TBC1D22B: variants seen among roughly 807,000 people sequenced by gnomAD.
The protein encoded by TBC1D22B is TBC1 domain family member 22B, also known as chromosome 6 open reading frame 197.
In TBC1D22B, 32 loss-of-function variants were observed where a neutral mutation model predicts 69.1. The observed-to-expected ratio is 0.46, with a 90% CI of 0.35 to 0.62. The LOEUF (loss-of-function observed/expected upper bound fraction) is 0.62. Among genes scored for constraint, TBC1D22B ranks in the 20% least tolerant of loss-of-function variants. TBC1D22B has a pLI of 0.00. For missense variants in TBC1D22B, 462 were observed against 630.9 expected (o/e 0.73, Z 2.87); for synonymous variants, 206 against 229.8 (o/e 0.90, Z 0.94).
At chr6:37,292,594 G>A (rs1767222340) in intron 8 of TBC1D22B, among the ~76,000 whole-genome samples, 1 of 151,936 alleles carries the variant, frequency 6.6e-6, no homozygotes, top group Admixed American at 6.6e-5. Flanking sequence ...GTTGCTTCTT[G>A]CAGTAGTAAT....
At chr6:37,296,828 A>T (rs1051173335) in intron 8 of TBC1D22B, among the ~76,000 whole-genome samples, 1 of 54,858 alleles carries the variant, frequency 1.8e-5, no homozygotes, top group East Asian at 6.3e-4. Context: ...ATATATTATA[A>T]TTTTTTGGTT....
chr6:37,291,801 G>C (rs780920444), intron 8 of TBC1D22B, among the ~76,000 whole-genome samples: 14 of 152,168 alleles, frequency 9.2e-5, no homozygotes, highest in Admixed American at 2.0e-4. Context: ...CATACGGGAA[G>C]TGATGGAATG....
chr6:37,320,166 C>T (rs1423485864), intron 12 of TBC1D22B, among the ~76,000 whole-genome samples: 1 of 152,124 alleles, frequency 6.6e-6, no homozygotes, highest in Non-Finnish European at 1.5e-5. Flanking sequence ...ATAAAGGGAG[C>T]CAGTAAGGGG....
At chr6:37,286,077 A>G (rs747831636) in intron 6 of TBC1D22B, among the ~76,000 whole-genome samples, 3 of 152,164 alleles carry the variant, frequency 2.0e-5, no homozygotes, top group Non-Finnish European at 2.9e-5. Context: ...CATACCTGCT[A>G]CATACATGCC....
chr6:37,316,565 C>A, intron 10 of TBC1D22B, 138 bp from the exon 11 acceptor site: 1 of 884,218 alleles, frequency 1.1e-6, no homozygotes, highest in Non-Finnish European at 1.8e-6. Context: ...AAAGGACAGT[C>A]AGATGGCTGT....
intron 8 of TBC1D22B, among the ~76,000 whole-genome samples, chr6:37,293,062 C>CATTATT (rs764323916): frequency 1.3e-5 from 2 of 149,710 alleles, no homozygotes; most frequent in African/African-American, 2.5e-5. Flanking sequence ...TTTAACTTTT[C>CATTATT]ATTATTATTA....
At chr6:37,298,588 C>T (rs1767463985) in intron 8 of TBC1D22B, among the ~76,000 whole-genome samples, 3 of 125,004 alleles carry the variant, frequency 2.4e-5, no homozygotes, top group South Asian at 2.6e-4. Context: ...CTCTGTTGCC[C>T]AAGCCGGAGT....
At chr6:37,301,343 T>G (rs1767566219) in intron 8 of TBC1D22B, among the ~76,000 whole-genome samples, 1 of 152,204 alleles carries the variant, frequency 6.6e-6, no homozygotes, top group African/African-American at 2.4e-5. Context: ...CAATCAATTT[T>G]AAAACATTTT....
intron 1 of TBC1D22B, among the ~76,000 whole-genome samples, chr6:37,263,565 T>G: frequency 6.6e-6 from 1 of 152,180 alleles, no homozygotes; most frequent in East Asian, 1.9e-4. Context: ...ATCAGTAGTC[T>G]AACACTTTGT....
At chr6:37,262,656 C>T (rs1766144595) in intron 1 of TBC1D22B, among the ~76,000 whole-genome samples, 1 of 152,188 alleles carries the variant, frequency 6.6e-6, no homozygotes, top group Non-Finnish European at 1.5e-5. Flanking sequence ...AGATGTTTTA[C>T]TGGTAGAGTG....
chr6:37,275,137 G>A (rs1371701096), intron 2 of TBC1D22B, among the ~76,000 whole-genome samples: 1 of 152,104 alleles, frequency 6.6e-6, no homozygotes, highest in Non-Finnish European at 1.5e-5. Context: ...AACTACCTGG[G>A]ACTGTGTTTA....
intron 1 of TBC1D22B, 84 bp from the exon 2 acceptor site, chr6:37,269,510 A>G: frequency 7.4e-7 from 1 of 1,345,772 alleles, no homozygotes; most frequent in Non-Finnish European, 1.1e-6. Flanking sequence ...GTCTCATCCA[A>G]TTTTGTGATG....
At chr6:37,309,953 TATAATATAAAAC>T (rs1767850912) in intron 8 of TBC1D22B, among the ~76,000 whole-genome samples, 1 of 147,800 alleles carries the variant, frequency 6.8e-6, no homozygotes, top group Non-Finnish European at 1.5e-5. Flanking sequence ...AATATTAAAA[TATAATATAAAAC>T]ATAATATAAA....
intron 6 of TBC1D22B, 60 bp downstream of exon 6, chr6:37,284,524 G>T: frequency 6.0e-6 from 9 of 1,495,404 alleles, no homozygotes; most frequent in Non-Finnish European, 8.0e-6. Context: ...TATGTCTCAT[G>T]GTAGTGCTCT....
chr6:37,285,485 C>T (rs195750), intron 6 of TBC1D22B, among the ~76,000 whole-genome samples: 130,385 of 151,672 alleles, frequency 0.86, 56,377 homozygotes, highest in South Asian at 0.92. Flanking sequence ...CCACCAGGCC[C>T]GGCTAATTTT....
chr6:37,271,850 T>G (rs1031349921), intron 2 of TBC1D22B, among the ~76,000 whole-genome samples: 1 of 3,470 alleles, frequency 2.9e-4, no homozygotes, highest in Non-Finnish European at 9.6e-4. Flanking sequence ...AGGTGCATGC[T>G]TTTTTTTTTT....
chr6:37,279,667 A>C, intron 3 of TBC1D22B, 56 bp downstream of exon 3: 1 of 1,523,502 alleles, frequency 6.6e-7, no homozygotes, highest in Non-Finnish European at 8.8e-7. Flanking sequence ...GTGCATTTTA[A>C]ATAAAAGCGA....
At chr6:37,322,091 CAT>C in intron 12 of TBC1D22B, among the ~76,000 whole-genome samples, 1 of 152,280 alleles carries the variant, frequency 6.6e-6, no homozygotes, top group Non-Finnish European at 1.5e-5. Flanking sequence ...TCATTACCAC[CAT>C]GTACAGTTGT....
At chr6:37,264,338 G>A (rs538216363) in intron 1 of TBC1D22B, among the ~76,000 whole-genome samples, 1 of 152,270 alleles carries the variant, frequency 6.6e-6, no homozygotes, top group African/African-American at 2.4e-5. Context: ...TTGACACGGG[G>A]TTTCACTCTT....
Sources: gnomAD v4.1 joint callset for allele counts (sites outside exome capture counted in the v4.1 genomes callset) on GRCh38, gnomAD v4.1.1 for gene constraint, MANE v1.5 for transcripts, NCBI Gene and HGNC (gene_info 2026-07-23, HGNC 2026-07-21) for gene names.